Variants in NELL1 observed in about 807,000 individuals in gnomAD.
The protein encoded by NELL1 is protein kinase C-binding protein NELL1.
A neutral mutation model predicts 107.4 loss-of-function variants in NELL1; 76 were observed. The ratio of observed to expected loss-of-function variants is 0.71; its 90% CI spans 0.59 to 0.86. NELL1 has a LOEUF of 0.86. Among genes scored for constraint, NELL1 ranks in the 40% least tolerant of loss-of-function variants. NELL1 has a pLI of 0.00. For synonymous variants in NELL1, 353 were observed against 341.2 expected (o/e 1.03, Z -0.38); for missense variants, 1,024 against 1,005.5 (o/e 1.02, Z -0.25).
intron 14 of NELL1, among the ~76,000 whole-genome samples, chr11:21,350,721 A>G (rs1314769402): frequency 1.3e-5 from 2 of 152,308 alleles, no homozygotes; most frequent in Non-Finnish European, 2.9e-5. Flanking sequence ...GAGTTGAAAG[A>G]CACCATCTGT....
rs201281361 is a variant in NELL1 at position 21,538,119 on chromosome 11, AT to A, written c.1786+3613del. ...ATCAGCATCTAAAATAACCCTTACAATTTTTTTTAAAAGTGGTTTGTAGCAT... is the reference window on the plus strand; with the variant it reads ...ATCAGCATCTAAAATAACCCTTACAATTTTTTTAAAAGTGGTTTGTAGCAT... On this transcript the variant is annotated intron_variant, in intron 16 of 19. Coordinates refer to ENST00000357134, the MANE Select transcript of NELL1 (RefSeq NM_006157.5). Among the ~76,000 whole-genome samples the A allele has an allele frequency of 9.5e-3, 1,450 of 152,032 alleles. 13 individuals carry two copies. Among genetic ancestry groups the A allele is most frequent in the Non-Finnish European group, 0.013 (854 of 67,938 alleles).
At chr11:20,685,196 T>C (rs1854278130) in intron 2 of NELL1, among the ~76,000 whole-genome samples, 1 of 152,096 alleles carries the variant, frequency 6.6e-6, no homozygotes, top group African/African-American at 2.4e-5. Context: ...CAGTAAGCTA[T>C]GGTAATTATA....
At chr11:20,748,417 C>T (rs1856051908) in intron 2 of NELL1, among the ~76,000 whole-genome samples, 1 of 152,118 alleles carries the variant, frequency 6.6e-6, no homozygotes, top group Admixed American at 6.6e-5. Context: ...TTATTTATTT[C>T]AGTAGCTTTT....
chr11:21,491,589 G>T (rs947356160), intron 15 of NELL1, among the ~76,000 whole-genome samples: 1 of 151,972 alleles, frequency 6.6e-6, no homozygotes, highest in Admixed American at 6.6e-5. Flanking sequence ...CATGCTGTTT[G>T]GGTTACTGTA....
chr11:21,348,562 G>A (rs928853368), intron 14 of NELL1, among the ~76,000 whole-genome samples: 6 of 152,104 alleles, frequency 3.9e-5, no homozygotes, highest in African/African-American at 1.4e-4. Flanking sequence ...GATAAAAATA[G>A]CACCTACCTT....
intron 12 of NELL1, among the ~76,000 whole-genome samples, chr11:21,068,291 T>C (rs1298128204): frequency 2.6e-5 from 4 of 152,108 alleles, no homozygotes; most frequent in Non-Finnish European, 5.9e-5. Flanking sequence ...CTTTTACATA[T>C]ATTACCTCAT....
intron 16 of NELL1, among the ~76,000 whole-genome samples, chr11:21,554,369 G>C (rs1436209455): frequency 6.6e-6 from 1 of 151,842 alleles, no homozygotes; most frequent in African/African-American, 2.4e-5. Context: ...CTCAGAGAAA[G>C]CTTTTAATGT....
At chr11:20,701,313 A>G (rs140983528) in intron 2 of NELL1, among the ~76,000 whole-genome samples, 5,376 of 152,114 alleles carry the variant, frequency 0.035, 373 homozygotes, top group African/African-American at 0.12. Flanking sequence ...TCTTCTTTTG[A>G]GAAGTGTCTG....
Position 21,321,684 on chromosome 11 carries a change from C to A in NELL1, c.1550-49169C>A, listed in dbSNP as rs140215044. ...TTCCATTTTATAGATAAGAAAGCTG[C>A]AGCTGGAGATGTGAAATCACTTGTC... On this transcript the variant is annotated intron_variant, in intron 14 of 19. Transcript: ENST00000357134. Among the ~76,000 whole-genome samples the A allele has an allele frequency of 3.6e-3, 546 of 152,248 alleles. 2 individuals carry two copies. Among genetic ancestry groups the A allele is most frequent in the African/African-American group, 0.013 (524 of 41,556 alleles).
intron 11 of NELL1, among the ~76,000 whole-genome samples, chr11:20,950,696 A>G (rs1164955910): frequency 1.3e-5 from 2 of 152,246 alleles, no homozygotes; most frequent in Non-Finnish European, 2.9e-5. Context: ...TATCCTGCAT[A>G]TGGAAAGGCA....
chr11:21,080,900 C>T (rs146840878), intron 12 of NELL1, among the ~76,000 whole-genome samples: 77 of 152,042 alleles, frequency 5.1e-4, no homozygotes, highest in East Asian at 2.5e-3. Flanking sequence ...CATACACACA[C>T]ACACACACGC....
chr11:21,404,437 T>G (rs1398894384), intron 15 of NELL1, among the ~76,000 whole-genome samples: 1 of 151,936 alleles, frequency 6.6e-6, no homozygotes, highest in Non-Finnish European at 1.5e-5. Context: ...AAAGTAAGAC[T>G]GAATTTTCTG....
intron 4 of NELL1, among the ~76,000 whole-genome samples, chr11:20,864,415 C>T (rs1035326133): frequency 6.6e-6 from 1 of 152,212 alleles, no homozygotes; most frequent in African/African-American, 2.4e-5. Flanking sequence ...CTTACTCCTA[C>T]AGTCTAACTG....
intron 15 of NELL1, among the ~76,000 whole-genome samples, chr11:21,439,447 C>G (rs1294904848): frequency 6.6e-6 from 1 of 152,108 alleles, no homozygotes; most frequent in Non-Finnish European, 1.5e-5. Flanking sequence ...TCTCGGATCA[C>G]TGACTGGAAC....
intron 3 of NELL1, among the ~76,000 whole-genome samples, chr11:20,801,840 T>G (rs1857286284): frequency 6.6e-6 from 1 of 152,218 alleles, no homozygotes; most frequent in Non-Finnish European, 1.5e-5. Context: ...GAGACTGTCC[T>G]TTCTTTCCCA....
chr11:20,953,412 A>T (rs1851107649), intron 11 of NELL1, among the ~76,000 whole-genome samples: 1 of 152,236 alleles, frequency 6.6e-6, no homozygotes, highest in South Asian at 2.1e-4. Flanking sequence ...CTGCAAAAGC[A>T]AGAGATTAAG....
At chr11:21,417,875 A>G (rs970438131) in intron 15 of NELL1, among the ~76,000 whole-genome samples, 1 of 151,970 alleles carries the variant, frequency 6.6e-6, no homozygotes, top group Non-Finnish European at 1.5e-5. Flanking sequence ...AATGAAACAA[A>G]ACAAAACAAG....
At chr11:20,816,025 G>A (rs1012278436) in intron 3 of NELL1, among the ~76,000 whole-genome samples, 1 of 152,014 alleles carries the variant, frequency 6.6e-6, no homozygotes, top group Non-Finnish European at 1.5e-5. Flanking sequence ...GTCTGTTTTT[G>A]TACCAGTACC....
At chr11:21,356,463 A>G (rs931410088) in intron 14 of NELL1, among the ~76,000 whole-genome samples, 7 of 152,148 alleles carry the variant, frequency 4.6e-5, no homozygotes, top group Non-Finnish European at 7.4e-5. Context: ...TAGACCCACT[A>G]GTAGCAGTTG....
Sources: gnomAD v4.1 joint callset for allele counts (sites outside exome capture counted in the v4.1 genomes callset) on GRCh38, gnomAD v4.1.1 for gene constraint, MANE v1.5 for transcripts, NCBI Gene and HGNC (gene_info 2026-07-23, HGNC 2026-07-21) for gene names.